Variants in RSPH6A observed in about 807,000 individuals in gnomAD.
The protein encoded by RSPH6A is radial spoke head 6 homolog A, also known as radial spoke head protein 6 homolog A.
A neutral mutation model predicts 66.1 loss-of-function variants in RSPH6A; 49 were observed. The observed-to-expected ratio is 0.74, with a 90% confidence interval of 0.59 to 0.94. RSPH6A has a LOEUF of 0.94. Ranked by LOEUF, RSPH6A falls within the 40% of genes least tolerant of loss-of-function variation. The probability of loss-of-function intolerance (pLI) is 0.00; values close to 1 mark genes in which losing one functional copy is unlikely to be tolerated. For missense variants in RSPH6A, 977 were observed against 948.3 expected, an observed-to-expected ratio of 1.03 and a Z score of -0.40; for synonymous variants, 419 against 402.4, an observed-to-expected ratio of 1.04 and a Z score of -0.49.
rs1413248032 is a variant in RSPH6A, at chr19:45,815,210, G to C, written c.-34C>G. 2 of 1,533,074 alleles carry C rather than the reference G, an allele frequency of 1.3e-6. No individual in the cohort carries two copies. Among genetic ancestry groups the C allele is most frequent in the South Asian group, 2.4e-5 (2 of 83,682 alleles). The allele number at this position is 1,533,074 out of a possible 1,614,324, so 95.0% of individuals were successfully genotyped here. ...AGGAGGCACAGATCTCTAGGAGAAAGGCTTGCAGACAAGGAGGCCAAGCGA... is the reference window on the plus strand; with the variant it reads ...AGGAGGCACAGATCTCTAGGAGAAACGCTTGCAGACAAGGAGGCCAAGCGA... On this transcript the variant is annotated 5_prime_UTR_variant, in exon 1 of 6. Coordinates refer to ENST00000221538, the MANE Select transcript of RSPH6A (RefSeq NM_030785.4).
At position 45,810,784 on chromosome 19, in the gene RSPH6A, G is replaced by A. The variant is rs1970617039; in HGVS notation, c.707C>T (p.Pro236Leu). Residue 236 changes from proline (P) to leucine (L), a missense_variant, in exon 2 of 6, where the codon CCC (proline) becomes CTC (leucine). By Grantham distance (98) the Pro-to-Leu change is moderately conservative. Transcript: ENST00000221538. ...GTTCAGAGACTCCAGGACAGACAAGGGGTCCTCAGGCCGCTGGTTCAGGAT... is the reference window on the plus strand; with the variant it reads ...GTTCAGAGACTCCAGGACAGACAAGAGGTCCTCAGGCCGCTGGTTCAGGAT... Reference protein sequence around the residue: ...TKILNQRPEDPLSVLESLNRT... With the variant: ...TKILNQRPEDLLSVLESLNRT... 6.2e-7 allele frequency: 1 copy of A among 1,613,802 alleles called. No homozygotes were observed. Among genetic ancestry groups the A allele is most frequent in the African/African-American group, 1.3e-5 (1 of 74,904 alleles).
At chr19:45,802,357 T>G in intron 3 of RSPH6A, 93 bp from the exon 4 acceptor site, 1 of 1,176,610 alleles carries the variant, frequency 8.5e-7, no homozygotes, top group Non-Finnish European at 1.1e-6. Flanking sequence ...GGCATAGCCT[T>G]GTCCTCAGAG....
chr19:45,811,895 C>A (rs7253675), intron 1 of RSPH6A, among the ~76,000 whole-genome samples: 128,626 of 150,320 alleles, frequency 0.86, 55,240 homozygotes, highest in East Asian at 0.9. Context: ...ATTCTCCTGC[C>A]TCGGCCTCCT....
Position 45,804,248 on chromosome 19 carries a change from T to C in RSPH6A, c.1653+4A>G. ...TTGTGAGAGGCGGGAGTCCCGGCGCTCACCTGCGGCAGGATGTGCTGTGTG... is the reference window on the plus strand; with the variant it reads ...TTGTGAGAGGCGGGAGTCCCGGCGCCCACCTGCGGCAGGATGTGCTGTGTG... On this transcript the variant is annotated splice_donor_region_variant and intron_variant, in intron 3 of 5. Transcript: ENST00000221538. The surrounding 1 kb of genome is among the most constrained non-coding windows in gnomAD (Gnocchi z 5.8). The C allele has an allele frequency of 1.3e-6, 2 of 1,596,382 alleles. No individual in the cohort carries two copies. Among genetic ancestry groups the C allele is most frequent in the Non-Finnish European group, 8.6e-7 (1 of 1,167,486 alleles).
chr19:45,795,967 C>T lies in RSPH6A; in HGVS notation c.2056G>A (p.Glu686Lys), dbSNP rs1970404423. ...TCCTGGGCTGCTTTCAGAGCCTGCTCCTCTTCCACTGTGGGGTCACTCATC... is the reference window on the plus strand; with the variant it reads ...TCCTGGGCTGCTTTCAGAGCCTGCTTCTCTTCCACTGTGGGGTCACTCATC... Reference protein sequence around the residue: ...MEMSDPTVEEEQALKAAQEQA... With the variant: ...MEMSDPTVEEKQALKAAQEQA... Residue 686 changes from glutamate to lysine, a missense_variant, in exon 6 of 6, where the codon GAG (glutamate) becomes AAG (lysine). Coordinates refer to ENST00000221538, the MANE Select transcript of RSPH6A (RefSeq NM_030785.4). 1 of 1,613,882 alleles carries T rather than the reference C, an allele frequency of 6.2e-7. No homozygotes were observed. The highest frequency in any genetic ancestry group is 8.5e-7 in the Non-Finnish European group (1 of 1,179,994).
Position 45,804,183 on chromosome 19 carries a change from A to G in RSPH6A, c.1653+69T>C. On this transcript the variant is annotated intron_variant, in intron 3 of 5. Transcript: ENST00000221538. The surrounding 1 kb of genome is among the most constrained non-coding windows in gnomAD (Gnocchi z 5.8). ...CAGCAGAGAGTAAGAGCTTGATGTCAGTATTGCAGGGTCATGCGTGAGCCC... is the reference window on the plus strand; with the variant it reads ...CAGCAGAGAGTAAGAGCTTGATGTCGGTATTGCAGGGTCATGCGTGAGCCC... The G allele has an allele frequency of 8.2e-7, 1 of 1,218,542 alleles. No homozygotes were observed. The allele number at this position is 1,218,542 out of a possible 1,614,324, so 75.5% of individuals were successfully genotyped here.
chr19:45,811,688 C>T (rs901858579), intron 1 of RSPH6A, among the ~76,000 whole-genome samples: 11 of 143,002 alleles, frequency 7.7e-5, no homozygotes, highest in South Asian at 2.4e-4. Context: ...CACCTTCTTC[C>T]GCCTCCCAAA....
In RSPH6A at chr19:45,798,838, CA is replaced by C. The variant is rs71338800; in HGVS notation, c.1916+1607del. Among the ~76,000 whole-genome samples, 654 of 77,270 alleles carry C rather than the reference CA, an allele frequency of 8.5e-3. 2 individuals are homozygous for C. Among genetic ancestry groups the C allele is most frequent in the African/African-American group, 0.021 (431 of 20,304 alleles). The allele number at this position is 77,270 out of a possible 152,430, so 50.7% of individuals were successfully genotyped here. ...TGGGCAACAGAGCGAGACTCTATCT[CA>C]AAAAAAAAAAAAAGAAAGAAAAGAA... On this transcript the variant is annotated intron_variant, in intron 5 of 5. Coordinates refer to ENST00000221538, the MANE Select transcript of RSPH6A (RefSeq NM_030785.4).
chr19:45,801,482 T>A (rs914123916), intron 4 of RSPH6A, among the ~76,000 whole-genome samples: 14 of 152,080 alleles, frequency 9.2e-5, no homozygotes, highest in Admixed American at 9.2e-4. Flanking sequence ...AGCTCCAGGT[T>A]GGGCACAGTG....
In RSPH6A at chr19:45,815,279, G is replaced by A; in HGVS notation, c.-103C>T. The A allele has an allele frequency of 7.6e-7, 1 of 1,319,462 alleles. No individual in the cohort carries two copies. Among genetic ancestry groups the A allele is most frequent in the African/African-American group, 1.5e-5 (1 of 67,378 alleles). 81.7% of individuals were successfully genotyped at this position (1,319,462 alleles called of 1,614,324 possible). A position where few individuals can be genotyped will look rare whatever the true frequency, so the allele number is the denominator to read the frequency against. On this transcript the variant is annotated 5_prime_UTR_variant, in exon 1 of 6. Coordinates refer to ENST00000221538, the MANE Select transcript of RSPH6A (RefSeq NM_030785.4). ...GCCGGTTTCTGAGCACCGAGAGAGG[G>A]GGCCGTTACCCGTGGAGGGCGCGGG...
At chr19:45,803,210 G>GA (rs537694212) in intron 3 of RSPH6A, among the ~76,000 whole-genome samples, 39,420 of 103,846 alleles carry the variant, frequency 0.38, 6,905 homozygotes, top group Non-Finnish European at 0.42. Context: ...CTCCGTCTCA[G>GA]AAAAAAAAAA....
chr19:45,803,354 T>C (rs1970496383), intron 3 of RSPH6A, among the ~76,000 whole-genome samples: 1 of 151,370 alleles, frequency 6.6e-6, no homozygotes, highest in African/African-American at 2.4e-5. Context: ...CACGCCAGCC[T>C]GGGCAACAAA....
At chr19:45,798,533 C>A (rs1427879464) in intron 5 of RSPH6A, among the ~76,000 whole-genome samples, 2 of 105,716 alleles carry the variant, frequency 1.9e-5, no homozygotes, top group African/African-American at 7.4e-5. Context: ...GAGAGAGACC[C>A]TATCTCAAAA....
Position 45,804,866 on chromosome 19 carries a change from T to C in RSPH6A, c.1039A>G (p.Lys347Glu), listed in dbSNP as rs149664598. Residue 347 changes from lysine (K) to glutamate (E), a missense_variant, in exon 3 of 6, where the codon AAG (lysine) becomes GAG (glutamate). Coordinates refer to ENST00000221538, the MANE Select transcript of RSPH6A (RefSeq NM_030785.4). This position sits in a 1 kb window ranked among gnomAD's most constrained non-coding sequence, Gnocchi z 5.8. Reference protein sequence around the residue: ...QPIHTCRFWGKILGIKRSYLV... With the variant: ...QPIHTCRFWGEILGIKRSYLV... ...TAGCTGCGTTTGATTCCCAGGATCT[T>C]GCCCCAGAAGCGACAGGTGTGGATG... is the stretch of plus-strand genomic sequence containing the variant. The C allele has an allele frequency of 3.7e-6, 6 of 1,614,084 alleles. No individual in the cohort carries two copies. The African/African-American group carries it at 8.0e-5, about 22-fold the overall frequency.
intron 2 of RSPH6A, 143 bp downstream of exon 2, chr19:45,810,460 C>T (rs1970608789): frequency 1.2e-6 from 1 of 802,918 alleles, no homozygotes; most frequent in Non-Finnish European, 2.1e-6. Flanking sequence ...GTAAGCCACC[C>T]CATCCTGCCA....
At chr19:45,800,946 C>A (rs1392154898) in intron 4 of RSPH6A, among the ~76,000 whole-genome samples, 1 of 151,980 alleles carries the variant, frequency 6.6e-6, no homozygotes, top group Non-Finnish European at 1.5e-5. Context: ...TACAGGCATG[C>A]ACCACCACGC....
At chr19:45,798,251 A>G (rs537920149) in intron 5 of RSPH6A, among the ~76,000 whole-genome samples, 1 of 151,892 alleles carries the variant, frequency 6.6e-6, no homozygotes, top group African/African-American at 2.4e-5. Context: ...CCCAGCTACT[A>G]GGGGGGCTGA....
Position 45,814,973 on chromosome 19 carries a change from G to T in RSPH6A, c.204C>A (p.Asn68Lys). The T allele has an allele frequency of 3.1e-6, 5 of 1,614,042 alleles. No homozygotes were observed. Among genetic ancestry groups the T allele is most frequent in the Non-Finnish European group, 4.2e-6 (5 of 1,180,050 alleles). ...CCTGGAAGACCTGGGGCATCAGCAA[G>T]TTCTCCTGTTGGGACAGGCTGCCCC... ...SQRGSLSQQE[N>K]LLMPQVFQAE... Residue 68 changes from asparagine to lysine, a missense_variant, in exon 1 of 6, where the codon AAC becomes AAA. By Grantham distance (94) the Asn-to-Lys change is moderately conservative. Coordinates refer to ENST00000221538, the MANE Select transcript of RSPH6A (RefSeq NM_030785.4).
At position 45,804,950 on chromosome 19, in the gene RSPH6A, T is replaced by G; in HGVS notation, c.955A>C (p.Ser319Arg). Residue 319 changes from serine (S) to arginine (R), a missense_variant, in exon 3 of 6, where the codon AGC becomes CGC. Physicochemically the swap from Ser to Arg is moderately radical, Grantham distance 110. Coordinates refer to ENST00000221538, the MANE Select transcript of RSPH6A (RefSeq NM_030785.4). The surrounding 1 kb of genome is among the most constrained non-coding windows in gnomAD (Gnocchi z 5.8). ...AAAATGCGGAAGCTCTCGTCCGAGC[T>G]CAGGCCGACGCCGGCCTGCTCGAAG... Reference protein sequence around the residue: ...FYFEQAGVGLSSDESFRIFLA... With the variant: ...FYFEQAGVGLRSDESFRIFLA... 6.2e-7 allele frequency: 1 copy of G among 1,614,132 alleles called. No homozygotes were observed. The highest frequency in any genetic ancestry group is 8.5e-7 in the Non-Finnish European group (1 of 1,180,036).
Sources: allele counts gnomAD v4.1 joint callset (sites outside exome capture counted in the v4.1 genomes callset), GRCh38; gene constraint gnomAD v4.1.1; non-coding constraint Gnocchi (gnomAD v3.1); transcripts MANE v1.5; gene names NCBI Gene and HGNC (gene_info 2026-07-23, HGNC 2026-07-21).